The following ABHD6 variants were observed in gnomAD, a reference collection of about 807,000 sequenced individuals.
ABHD6 encodes the protein abhydrolase domain containing 6, acylglycerol lipase, also known as monoacylglycerol lipase ABHD6.
ABHD6 carries 33 observed loss-of-function variants against 38.8 expected under a neutral mutation model. The observed-to-expected ratio is 0.85, with a 90% CI of 0.64 to 1.14. The LOEUF is 1.14. Among genes scored for constraint, ABHD6 ranks in the 50% most tolerant of loss-of-function variants. The probability of loss-of-function intolerance (pLI) is 0.00; values close to 1 mark genes in which losing one functional copy is unlikely to be tolerated. For missense variants in ABHD6, 380 were observed against 422.6 expected (o/e 0.90, Z 0.88); for synonymous variants, 147 against 161.6 (o/e 0.91, Z 0.69).
Position 58,269,475 on chromosome 3 carries a change from A to C in ABHD6, c.390+41A>C. On this transcript the variant is annotated intron_variant, in intron 5 of 9. Transcript: ENST00000478253. The surrounding 1 kb of genome is among the most constrained non-coding windows in gnomAD (Gnocchi z 4.4). ...TACCAAAGATTGCCCAGACTGTCTCAGCCACCATTACATGTCTGAGTCTGG... is the reference window on the plus strand; with the variant it reads ...TACCAAAGATTGCCCAGACTGTCTCCGCCACCATTACATGTCTGAGTCTGG... 6.8e-7 allele frequency: 1 copy of C among 1,479,428 alleles called. No homozygotes were observed. The highest frequency in any genetic ancestry group is 9.4e-7 in the Non-Finnish European group (1 of 1,062,520). 91.6% of individuals were successfully genotyped at this position (1,479,428 alleles called of 1,614,324 possible). A position where few individuals can be genotyped will look rare whatever the true frequency, so the allele number is the denominator to read the frequency against.
rs2097434265 is a variant in ABHD6 at position 58,257,615 on chromosome 3, A to G, written c.119+910A>G. On this transcript the variant is annotated intron_variant, in intron 3 of 9. Transcript: ENST00000478253. The surrounding 1 kb of genome is among the most constrained non-coding windows in gnomAD (Gnocchi z 4.8). Reference sequence around the variant, plus strand: ...TGACCTCAAGTGATCCTCCCACCTCAGCCTCCCAAAGTGCTGGGATTACAG... The same window carrying G: ...TGACCTCAAGTGATCCTCCCACCTCGGCCTCCCAAAGTGCTGGGATTACAG... Among the ~76,000 whole-genome samples, 1 of 151,814 alleles carries G rather than the reference A, an allele frequency of 6.6e-6. No homozygotes were observed. The highest frequency in any genetic ancestry group is 1.5e-5 in the Non-Finnish European group (1 of 67,938).
Position 58,274,898 on chromosome 3 carries a change from T to TCAC in ABHD6, c.681+85_681+87dup, listed in dbSNP as rs2107460631. On this transcript the variant is annotated intron_variant, in intron 7 of 9. Coordinates refer to ENST00000478253, the MANE Select transcript of ABHD6 (RefSeq NM_001320126.2). ...CAGCTTCCTGCACGTATTCCCTCCT[T>TCAC]CACCTACTCATTGACTACTTCTTGT... is the stretch of plus-strand genomic sequence containing the variant. 2.7e-6 allele frequency: 4 copies of TCAC among 1,474,358 alleles called. No homozygotes were observed. In the South Asian group the frequency reaches 5.1e-5, roughly 19 times the overall value. 91.3% of individuals were successfully genotyped at this position (1,474,358 alleles called of 1,614,324 possible).
At chr3:58,271,163 A>T in intron 6 of ABHD6, 99 bp downstream of exon 6, 1 of 1,347,552 alleles carries the variant, frequency 7.4e-7, no homozygotes, top group Non-Finnish European at 9.9e-7. Flanking sequence ...CATCTTTTTG[A>T]TGTATGCTTG....
rs571482090 is a variant in ABHD6 at position 58,291,511 on chromosome 3, G to T, written c.838-2078G>T. ...TGGGTTCAAGAGATCTTCCCACCTC[G>T]GCCTCCCAGAGTGCTGATATTATAG... On this transcript the variant is annotated intron_variant, in intron 9 of 9. Coordinates refer to ENST00000478253, the MANE Select transcript of ABHD6 (RefSeq NM_001320126.2). Among the ~76,000 whole-genome samples the T allele has an allele frequency of 2.6e-5, 4 of 152,060 alleles. No individual in the cohort carries two copies. The East Asian group carries it at 7.7e-4, about 29-fold the overall frequency.
At chr3:58,272,817 A>T (rs1430829750) in intron 6 of ABHD6, among the ~76,000 whole-genome samples, 1 of 152,240 alleles carries the variant, frequency 6.6e-6, no homozygotes, top group South Asian at 2.1e-4. Flanking sequence ...CAAGAGTTTT[A>T]AAATAAACTT....
chr3:58,271,430 A>G (rs2097444774), intron 6 of ABHD6, among the ~76,000 whole-genome samples: 2 of 152,166 alleles, frequency 1.3e-5, no homozygotes, highest in South Asian at 2.1e-4. Context: ...TTAACATCCA[A>G]CATTTATCGG....
At chr3:58,248,880 T>C (rs534279505) in intron 1 of ABHD6, among the ~76,000 whole-genome samples, 1 of 152,334 alleles carries the variant, frequency 6.6e-6, no homozygotes, top group Admixed American at 6.5e-5. Context: ...TTCTTGTTCT[T>C]TGCCAGTACA....
intron 2 of ABHD6, 134 bp downstream of exon 2, chr3:58,250,076 G>A (rs931655786): frequency 1.3e-5 from 2 of 152,198 alleles, no homozygotes; most frequent in African/African-American, 4.8e-5. Context: ...TGATCAGTAG[G>A]TCTAGTGGGA....
At chr3:58,268,648 C>T (rs905173443) in intron 4 of ABHD6, among the ~76,000 whole-genome samples, 9 of 152,310 alleles carry the variant, frequency 5.9e-5, no homozygotes, top group South Asian at 4.2e-4. Flanking sequence ...TTCCAAATTC[C>T]ACTATGAGGA....
At chr3:58,252,284 G>A (rs914372377) in intron 2 of ABHD6, among the ~76,000 whole-genome samples, 1 of 125,370 alleles carries the variant, frequency 8.0e-6, no homozygotes, top group African/African-American at 3.2e-5. Context: ...CTAGGCTGTC[G>A]GCTCACTGAA....
intron 7 of ABHD6, among the ~76,000 whole-genome samples, chr3:58,279,601 ATATTGT>A (rs2097451405): frequency 6.6e-6 from 1 of 152,098 alleles, no homozygotes; most frequent in Non-Finnish European, 1.5e-5. Flanking sequence ...TTTAAGGTTA[ATATTGT>A]TATGTGTGAA....
At chr3:58,264,623 C>A (rs1255344125) in intron 3 of ABHD6, among the ~76,000 whole-genome samples, 1 of 152,054 alleles carries the variant, frequency 6.6e-6, no homozygotes, top group East Asian at 1.9e-4. Flanking sequence ...CTTAGGAGGA[C>A]AGGGCTGCAG....
At chr3:58,286,344 C>T (rs762429811) in intron 9 of ABHD6, among the ~76,000 whole-genome samples, 15 of 151,794 alleles carry the variant, frequency 9.9e-5, no homozygotes, top group Non-Finnish European at 2.1e-4. Context: ...TTAGTAGAGA[C>T]GGGGTTTCAC....
chr3:58,260,219 T>G (rs2097436054), intron 3 of ABHD6, among the ~76,000 whole-genome samples: 1 of 152,208 alleles, frequency 6.6e-6, no homozygotes, highest in Non-Finnish European at 1.5e-5. Flanking sequence ...ATTCAGAGCC[T>G]CTTTAATTGG....
chr3:58,281,839 G>T (rs532751629), intron 7 of ABHD6, among the ~76,000 whole-genome samples: 2 of 152,154 alleles, frequency 1.3e-5, no homozygotes, highest in Non-Finnish European at 2.9e-5. Context: ...ACTCAGGCCG[G>T]GTGCGGTGGT....
intron 9 of ABHD6, among the ~76,000 whole-genome samples, chr3:58,286,978 C>T (rs1403636348): frequency 1.3e-5 from 2 of 150,926 alleles, no homozygotes; most frequent in Non-Finnish European, 3.0e-5. Flanking sequence ...TTCAAACTTA[C>T]AGAAAATTTG....
intron 3 of ABHD6, among the ~76,000 whole-genome samples, chr3:58,262,986 G>A (rs1466014928): frequency 6.6e-6 from 1 of 152,150 alleles, no homozygotes; most frequent in Non-Finnish European, 1.5e-5. Context: ...GAGGTGGGTA[G>A]ATCACGAGGT....
intron 2 of ABHD6, among the ~76,000 whole-genome samples, chr3:58,255,432 A>G (rs1575517357): frequency 1.4e-5 from 2 of 144,104 alleles, no homozygotes; most frequent in African/African-American, 5.1e-5. Context: ...GTACATGTAT[A>G]TTTGTTCATT....
Position 58,293,678 on chromosome 3 carries a change from G to T in ABHD6, c.927G>T (p.Val309=). 6.2e-7 allele frequency: 1 copy of T among 1,614,256 alleles called. No homozygotes were observed. The highest frequency in any genetic ancestry group is 8.5e-7 in the Non-Finnish European group (1 of 1,180,040). The change falls in exon 10 of 10, where the codon GTG becomes GTT. Residue 309 remains valine (V), a synonymous_variant. Transcript: ENST00000478253. The surrounding 1 kb of genome is among the most constrained non-coding windows in gnomAD (Gnocchi z 4.4). ...TGGAAAACTGTGGGCACTCAGTAGT[G>T]ATGGAAAGACCCAGGAAGACAGCCA... ...ELLENCGHSV[V]MERPRKTAKL...
Sources: allele counts gnomAD v4.1 joint callset (sites outside exome capture counted in the v4.1 genomes callset), GRCh38; gene constraint gnomAD v4.1.1; non-coding constraint Gnocchi (gnomAD v3.1); transcripts MANE v1.5; gene names NCBI Gene and HGNC (gene_info 2026-07-23, HGNC 2026-07-21).